The following ADAM7 variants were observed in gnomAD, a reference collection of about 807,000 sequenced individuals.
ADAM7 encodes disintegrin and metalloproteinase domain-containing protein 7.
A neutral mutation model predicts 102.9 loss-of-function variants in ADAM7; 97 were observed. That is an observed-to-expected ratio of 0.94 (90% CI 0.80 to 1.12). The LOEUF (loss-of-function observed/expected upper bound fraction) is 1.12, where lower values mean the gene tolerates loss of function less well. Ranked by LOEUF, ADAM7 falls within the 50% of genes most tolerant of loss-of-function variation. The pLI is 0.00. For missense variants in ADAM7, 991 were observed against 908.7 expected (o/e 1.09, Z -1.16); for synonymous variants, 334 against 304.4 (o/e 1.10, Z -1.01).
intron 3 of ADAM7, 103 bp from the exon 4 acceptor site, chr8:24,463,779 G>A (rs1231935639): frequency 3.2e-6 from 3 of 937,254 alleles, no homozygotes; most frequent in Non-Finnish European, 4.9e-6. Context: ...GGATCTTGCT[G>A]AGATTTGGAA....
chr8:24,455,677 A>T (rs1819006021), intron 3 of ADAM7, among the ~76,000 whole-genome samples: 1 of 152,230 alleles, frequency 6.6e-6, no homozygotes, highest in Admixed American at 6.5e-5. Flanking sequence ...AAGTGCTAGG[A>T]TTACAGGCAT....
At chr8:24,508,060 A>G (rs1821009718) in intron 21 of ADAM7, among the ~76,000 whole-genome samples, 1 of 152,210 alleles carries the variant, frequency 6.6e-6, no homozygotes. Context: ...AAAGAAAATG[A>G]GCATGGCTTC....
rs1818826030 is a variant in ADAM7 at position 24,452,290 on chromosome 8, T to C, written c.233+5028T>C. On this transcript the variant is annotated intron_variant, in intron 3 of 21. Transcript: ENST00000175238. Reference sequence around the variant, plus strand: ...TTATTATTGTGTGGGAGTCTAAGTCTCTTTGCAGGTCACTCAGGACTTGCT... The same window carrying C: ...TTATTATTGTGTGGGAGTCTAAGTCCCTTTGCAGGTCACTCAGGACTTGCT... Among the ~76,000 whole-genome samples the C allele has an allele frequency of 3.3e-5, 5 of 150,272 alleles. No individual in the cohort carries two copies. The South Asian group carries it at 1.1e-3, about 33-fold the overall frequency.
In ADAM7 at chr8:24,491,977, G is replaced by A. The variant is rs369559998; in HGVS notation, c.1431G>A (p.Ser477=). ...CDFPEMCTGH[S]PACPKDQFRV... ...TTCCTGAGATGTGCACTGGCCACTCGCCTGCCTGTCCTAAGGACCAGTTCA... is the reference window on the plus strand; with the variant it reads ...TTCCTGAGATGTGCACTGGCCACTCACCTGCCTGTCCTAAGGACCAGTTCA... Residue 477 remains serine (S), a synonymous_variant, in exon 14 of 22, where the codon TCG becomes TCA. Transcript: ENST00000175238. 20 of 1,613,852 alleles carry A rather than the reference G, an allele frequency of 1.2e-5. No homozygotes were observed. The highest frequency in any genetic ancestry group is 1.7e-4 in the Middle Eastern group (1 of 6,058).
intron 16 of ADAM7, among the ~76,000 whole-genome samples, chr8:24,494,428 C>G (rs1820484383): frequency 6.6e-6 from 1 of 151,672 alleles, no homozygotes; most frequent in South Asian, 2.1e-4. Flanking sequence ...ATTTGCTATT[C>G]ACCTCAGATA....
intron 2 of ADAM7, among the ~76,000 whole-genome samples, chr8:24,443,801 G>A (rs1427456246): frequency 6.6e-6 from 1 of 152,094 alleles, no homozygotes; most frequent in Non-Finnish European, 1.5e-5. Flanking sequence ...AGCCAGGCAT[G>A]GTGGTGTGCA....
chr8:24,491,878 T>G, intron 13 of ADAM7, 25 bp from the exon 14 acceptor site: 1 of 1,554,738 alleles, frequency 6.4e-7, no homozygotes, highest in Non-Finnish European at 8.7e-7. Flanking sequence ...ATCCAGGATT[T>G]AGTCTCTTTG....
At chr8:24,460,656 T>C (rs1405300777) in intron 3 of ADAM7, among the ~76,000 whole-genome samples, 5 of 151,988 alleles carry the variant, frequency 3.3e-5, no homozygotes, top group African/African-American at 4.8e-5. Flanking sequence ...TGTAAAAACA[T>C]TGCAATAAGT....
intron 7 of ADAM7, chr8:24,476,038 C>G: frequency 4.5e-6 from 2 of 445,006 alleles, no homozygotes; most frequent in South Asian, 3.2e-5. Context: ...CACAGAAGGA[C>G]TAATAAAGTT....
chr8:24,506,235 T>C, intron 20 of ADAM7: 1 of 1,212,270 alleles, frequency 8.2e-7, no homozygotes, highest in Non-Finnish European at 1.2e-6. Flanking sequence ...AATCATTTGT[T>C]GGTTCCTTGA....
chr8:24,507,585 G>A (rs1820995944), intron 21 of ADAM7, 50 bp downstream of exon 21: 1 of 1,472,608 alleles, frequency 6.8e-7, no homozygotes, highest in Non-Finnish European at 9.5e-7. Flanking sequence ...TTCAAATGCT[G>A]GCATAGTTTT....
In ADAM7 at chr8:24,442,171, C is replaced by T. The variant is rs1818397943; in HGVS notation, c.53-302C>T. The stretch of plus-strand genomic sequence containing the variant: ...CCTGGCTGACAGAGCGAGACTCTGT[C>T]TCAAAAAAATAAATAAATGAAACAA... On this transcript the variant is annotated intron_variant, in intron 1 of 21. Coordinates refer to ENST00000175238, the MANE Select transcript of ADAM7 (RefSeq NM_003817.4). Among the ~76,000 whole-genome samples, 3 of 151,994 alleles carry T rather than the reference C, an allele frequency of 2.0e-5. No homozygotes were observed. The South Asian group carries it at 6.2e-4, about 31-fold the overall frequency.
intron 2 of ADAM7, among the ~76,000 whole-genome samples, chr8:24,445,937 A>G (rs144736264): frequency 1.6e-4 from 25 of 152,266 alleles, no homozygotes; most frequent in African/African-American, 5.5e-4. Flanking sequence ...TCCCTGGCAC[A>G]GTCCTTGCAT....
At position 24,466,887 on chromosome 8, in the gene ADAM7, C is replaced by T. The variant is rs771469786; in HGVS notation, c.478C>T (p.Leu160=). ...EGEHLVFKYN[L]RVPYGANYSC... is the part of the protein sequence containing the mutation. Reference sequence around the variant, plus strand: ...AGAACATTTGGTGTTCAAATATAACCTGAGGGTGCCGTATGGTGCCAATTA... The same window carrying T: ...AGAACATTTGGTGTTCAAATATAACTTGAGGGTGCCGTATGGTGCCAATTA... Residue 160 remains leucine, a synonymous_variant, in exon 6 of 22, where the codon CTG becomes TTG. Transcript: ENST00000175238. The T allele has an allele frequency of 6.2e-6, 10 of 1,613,838 alleles. No individual in the cohort carries two copies. The African/African-American group carries it at 1.3e-4, about 22-fold the overall frequency.
rs370543248 is a variant in ADAM7 at position 24,490,822 on chromosome 8, T to G, written c.1290T>G (p.Asp430Glu). ...PAQECTNPCCDAHTCVLKPGF... is the reference protein window; with the variant it reads ...PAQECTNPCCEAHTCVLKPGF... ...AGGAGTGTACTAATCCTTGCTGTGA[T>G]GCACACACATGTGTACTGAAGCCAG... Residue 430 changes from aspartate (D) to glutamate (E), a missense_variant, in exon 13 of 22, where the codon GAT becomes GAG. Coordinates refer to ENST00000175238, the MANE Select transcript of ADAM7 (RefSeq NM_003817.4). 5.1e-5 allele frequency: 82 copies of G among 1,613,832 alleles called. No individual in the cohort carries two copies. The highest frequency in any genetic ancestry group is 6.4e-5 in the Non-Finnish European group (76 of 1,179,768).
At chr8:24,454,911 T>G (rs1056902688) in intron 3 of ADAM7, among the ~76,000 whole-genome samples, 1 of 152,226 alleles carries the variant, frequency 6.6e-6, no homozygotes, top group Non-Finnish European at 1.5e-5. Flanking sequence ...GATTGTACAT[T>G]CATTCTGTGG....
chr8:24,472,855 A>G (rs1043234216), intron 7 of ADAM7, among the ~76,000 whole-genome samples: 1 of 152,070 alleles, frequency 6.6e-6, no homozygotes, highest in Non-Finnish European at 1.5e-5. Context: ...GAAATAGACA[A>G]GCTTCTGACA....
At position 24,493,036 on chromosome 8, in the gene ADAM7, C is replaced by G; in HGVS notation, c.1656-7C>G. On this transcript the variant is annotated splice_region_variant and splice_polypyrimidine_tract_variant and intron_variant, in intron 15 of 21. Transcript: ENST00000175238. ...TTCCAAGTTTGAATATTCTGCCTTT[C>G]CTTCAGAGATGTCAGATGTGGAAAG... 1 of 1,563,156 alleles carries G rather than the reference C, an allele frequency of 6.4e-7. No homozygotes were observed. The highest frequency in any genetic ancestry group is 8.6e-7 in the Non-Finnish European group (1 of 1,161,190).
chr8:24,464,600 A>C (rs1487423358), intron 4 of ADAM7, among the ~76,000 whole-genome samples: 2 of 152,152 alleles, frequency 1.3e-5, no homozygotes, highest in Non-Finnish European at 2.9e-5. Context: ...GCAATGGTGA[A>C]CTTTGTTTTG....
Sources: allele counts gnomAD v4.1 joint callset (sites outside exome capture counted in the v4.1 genomes callset), GRCh38; gene constraint gnomAD v4.1.1; transcripts MANE v1.5; gene names NCBI Gene and HGNC (gene_info 2026-07-23, HGNC 2026-07-21).